Variants in NELL1 observed in about 807,000 individuals in gnomAD.
NELL1 encodes the protein neural EGFL like 1.
In NELL1, 76 loss-of-function variants were observed where a neutral mutation model predicts 107.4. The observed-to-expected ratio is 0.71, with a 90% CI of 0.59 to 0.86. NELL1 has a LOEUF of 0.86. NELL1 is among the 40% of genes least tolerant of loss of function. The pLI is 0.00. For synonymous variants in NELL1, 353 were observed against 341.2 expected (o/e 1.03, Z -0.38); for missense variants, 1,024 against 1,005.5 (o/e 1.02, Z -0.25).
At chr11:21,316,944 T>C (rs899641083) in intron 14 of NELL1, among the ~76,000 whole-genome samples, 1 of 152,126 alleles carries the variant, frequency 6.6e-6, no homozygotes, top group African/African-American at 2.4e-5. Flanking sequence ...TATCCTGATA[T>C]GAGTTTTTAT....
At chr11:21,571,237 A>C (rs2134013929) in intron 18 of NELL1, among the ~76,000 whole-genome samples, 1 of 152,036 alleles carries the variant, frequency 6.6e-6, no homozygotes, top group Admixed American at 6.6e-5. Context: ...AGCTTTCAAA[A>C]CCTTGACTAG....
intron 2 of NELL1, among the ~76,000 whole-genome samples, chr11:20,766,951 C>T (rs1465912093): frequency 2.0e-5 from 3 of 152,128 alleles, no homozygotes; most frequent in South Asian, 2.1e-4. Context: ...ACTGTGTTGG[C>T]CAGGCTGGTC....
intron 15 of NELL1, among the ~76,000 whole-genome samples, chr11:21,386,762 T>G (rs565376928): frequency 7.2e-5 from 11 of 151,958 alleles, no homozygotes; most frequent in Non-Finnish European, 1.5e-4. Context: ...CCATAAATTC[T>G]ATGCCTTCGC....
chr11:20,675,741 C>T (rs1422834355), intron 1 of NELL1, among the ~76,000 whole-genome samples: 2 of 152,052 alleles, frequency 1.3e-5, no homozygotes, highest in African/African-American at 4.8e-5. Flanking sequence ...TGGCCCTTCT[C>T]TCTCTCCCAC....
chr11:20,844,863 C>A (rs1333397347), intron 3 of NELL1, among the ~76,000 whole-genome samples: 1 of 152,198 alleles, frequency 6.6e-6, no homozygotes, highest in Non-Finnish European at 1.5e-5. Context: ...GTTCTACAGA[C>A]CACCCTGAGT....
At position 20,941,744 on chromosome 11, in the gene NELL1, G is replaced by A. The variant is rs867754973; in HGVS notation, c.1071+3885G>A. 3.9e-5 allele frequency among the ~76,000 whole-genome samples: 6 copies of A among 152,076 alleles called. No homozygotes were observed. In the South Asian group the frequency reaches 1.2e-3, roughly 32 times the overall value. ...GATCCTGATTTCTAGAAAATAGAAC[G>A]CGAGGCCTAGGTATTTGTGTTGATG... is the stretch of plus-strand genomic sequence containing the variant. On this transcript the variant is annotated intron_variant, in intron 10 of 19. Coordinates refer to ENST00000357134, the MANE Select transcript of NELL1 (RefSeq NM_006157.5).
chr11:21,326,936 T>G (rs896784965), intron 14 of NELL1, among the ~76,000 whole-genome samples: 1 of 152,102 alleles, frequency 6.6e-6, no homozygotes, highest in African/African-American at 2.4e-5. Context: ...ACGTCTTGTG[T>G]CCTTTTGTTT....
chr11:21,182,024 G>T (rs1271946053), intron 13 of NELL1, among the ~76,000 whole-genome samples: 21 of 151,890 alleles, frequency 1.4e-4, no homozygotes, highest in Non-Finnish European at 1.5e-5. Context: ...TAATAGATAA[G>T]AATACAGAGA....
chr11:21,401,778 T>G (rs552040961), intron 15 of NELL1, among the ~76,000 whole-genome samples: 10 of 151,910 alleles, frequency 6.6e-5, no homozygotes, highest in Admixed American at 5.2e-4. Context: ...AAGCCAGGCA[T>G]CCTGGATATG....
At chr11:21,358,656 A>T (rs187042513) in intron 14 of NELL1, among the ~76,000 whole-genome samples, 84 of 138,664 alleles carry the variant, frequency 6.1e-4, no homozygotes, top group Admixed American at 2.8e-3. Context: ...ACCTCGGGTG[A>T]TCCGCCTGCC....
intron 2 of NELL1, among the ~76,000 whole-genome samples, chr11:20,746,995 C>A (rs1192258336): frequency 2.6e-5 from 4 of 152,168 alleles, no homozygotes; most frequent in Admixed American, 1.3e-4. Flanking sequence ...GTGGTGACTG[C>A]AGTTAGCTGA....
chr11:21,097,610 G>C (rs1018730158), intron 12 of NELL1, among the ~76,000 whole-genome samples: 3 of 152,090 alleles, frequency 2.0e-5, no homozygotes, highest in African/African-American at 7.2e-5. Flanking sequence ...GGTAGCCGAG[G>C]GAACAGATGT....
intron 13 of NELL1, among the ~76,000 whole-genome samples, chr11:21,188,858 T>C (rs1190248229): frequency 6.6e-6 from 1 of 151,852 alleles, no homozygotes; most frequent in African/African-American, 2.4e-5. Flanking sequence ...CTTACAAACA[T>C]ATAGGAAAAT....
chr11:20,760,222 A>T (rs1460036049), intron 2 of NELL1, among the ~76,000 whole-genome samples: 1 of 152,212 alleles, frequency 6.6e-6, no homozygotes, highest in Non-Finnish European at 1.5e-5. Context: ...GATTGACACT[A>T]GATTGGAGAA....
chr11:21,194,206 G>C (rs1341603480), intron 13 of NELL1, among the ~76,000 whole-genome samples: 3 of 149,812 alleles, frequency 2.0e-5, no homozygotes, highest in Non-Finnish European at 4.4e-5. Flanking sequence ...CTACCCTGTA[G>C]CCTCCAGACT....
chr11:20,786,748 CCT>C (rs1421950463), intron 3 of NELL1, among the ~76,000 whole-genome samples: 10 of 151,980 alleles, frequency 6.6e-5, no homozygotes, highest in Admixed American at 5.2e-4. Flanking sequence ...GTGGTTTACA[CCT>C]GTAATCCCAG....
intron 2 of NELL1, among the ~76,000 whole-genome samples, chr11:20,713,656 A>C (rs2041283911): frequency 6.6e-6 from 1 of 151,818 alleles, no homozygotes; most frequent in African/African-American, 2.4e-5. Context: ...GTTCCTGGCC[A>C]CCCCCCAGAT....
At chr11:20,671,381 T>C (rs1011745731) in intron 1 of NELL1, 1 of 152,210 alleles carries the variant, frequency 6.6e-6, no homozygotes, top group Non-Finnish European at 1.5e-5. Flanking sequence ...AGAAGCTAGG[T>C]AGGGAGGGGG....
chr11:21,347,176 A>T (rs2133713264), intron 14 of NELL1, among the ~76,000 whole-genome samples: 1 of 152,296 alleles, frequency 6.6e-6, no homozygotes. Flanking sequence ...CGAGGAGTTG[A>T]CATTTGAGTG....
Sources: gnomAD v4.1 joint callset for allele counts (sites outside exome capture counted in the v4.1 genomes callset) on GRCh38, gnomAD v4.1.1 for gene constraint, MANE v1.5 for transcripts, NCBI Gene and HGNC (gene_info 2026-07-23, HGNC 2026-07-21) for gene names.